The following RAF1 variants were observed in gnomAD, a reference collection of about 807,000 sequenced individuals.
RAF1 encodes RAF proto-oncogene serine/threonine-protein kinase.
Under a neutral mutation model 81.1 loss-of-function variants are expected in RAF1, and 27 were observed. The ratio of observed to expected loss-of-function variants is 0.33; its 90% CI spans 0.25 to 0.46. The LOEUF is 0.46. RAF1 is among the 20% of genes least tolerant of loss of function. The pLI, the probability that RAF1 is intolerant of heterozygous loss-of-function variation, is 1.00. For synonymous variants in RAF1, 298 were observed against 294.0 expected (o/e 1.01, Z -0.14); for missense variants, 598 against 826.0 (o/e 0.72, Z 3.38).
At chr3:12,657,226 G>A (rs1284236428) in intron 1 of RAF1, among the ~76,000 whole-genome samples, 1 of 152,098 alleles carries the variant, frequency 6.6e-6, no homozygotes, top group African/African-American at 2.4e-5. Context: ...ACTTAGTCTG[G>A]TAGCCAGGGA....
rs146154889 is a variant in RAF1 at position 12,612,998 on chromosome 3, G to A, written c.208-936C>T. Reference sequence around the variant, plus strand: ...AACACTAGTGAAGGCAAAGCAGGAAGTGGAAGATATAGAACTCCAGCCCTG... The same window carrying A: ...AACACTAGTGAAGGCAAAGCAGGAAATGGAAGATATAGAACTCCAGCCCTG... On this transcript the variant is annotated intron_variant, in intron 2 of 17. Coordinates refer to ENST00000442415, the MANE Select transcript of RAF1 (RefSeq NM_001354689.3). Among the ~76,000 whole-genome samples, 8 of 152,294 alleles carry A rather than the reference G, an allele frequency of 5.3e-5. No homozygotes were observed. The East Asian group carries it at 9.7e-4, about 18-fold the overall frequency.
At chr3:12,649,515 CTT>C (rs1047517434) in intron 1 of RAF1, among the ~76,000 whole-genome samples, 6 of 152,052 alleles carry the variant, frequency 3.9e-5, no homozygotes, top group Admixed American at 1.3e-4. Context: ...GGGAGGATCA[CTT>C]GAGCACAGGA....
chr3:12,622,107 C>T (rs2059572729), intron 1 of RAF1, among the ~76,000 whole-genome samples: 2 of 152,182 alleles, frequency 1.3e-5, no homozygotes, highest in South Asian at 4.1e-4. Flanking sequence ...CTCACTCCTA[C>T]ATAACTCTAT....
rs1199571642 is a variant in RAF1, at chr3:12,600,134, A to G, written c.1050+18T>C. ...TACTGAACCCTAATTGGCAGGAGGT[A>G]CTGTTGTCTATACTCACAATTTTGT... On this transcript the variant is annotated intron_variant, in intron 10 of 17. Transcript: ENST00000442415. 1.2e-6 allele frequency: 2 copies of G among 1,613,816 alleles called. No individual in the cohort carries two copies. The highest frequency in any genetic ancestry group is 1.7e-6 in the Non-Finnish European group (2 of 1,179,932).
chr3:12,604,375 T>C (rs1268745340), intron 6 of RAF1, 86 bp from the exon 7 acceptor site: 2 of 1,393,258 alleles, frequency 1.4e-6, no homozygotes, highest in African/African-American at 1.4e-5. Context: ...CTAAGTAAGA[T>C]GCTTAAGGGC....
At chr3:12,615,361 A>C (rs1018907053) in intron 2 of RAF1, among the ~76,000 whole-genome samples, 3 of 152,216 alleles carry the variant, frequency 2.0e-5, no homozygotes, top group Non-Finnish European at 1.5e-5. Context: ...AATTATTTAA[A>C]TCAGATACGC....
chr3:12,602,889 C>G (rs2125390835), intron 8 of RAF1, among the ~76,000 whole-genome samples: 1 of 152,126 alleles, frequency 6.6e-6, no homozygotes, highest in East Asian at 1.9e-4. Context: ...GATAAGCTTT[C>G]AATAAAGAAT....
chr3:12,587,721 C>G, intron 13 of RAF1, 84 bp from the exon 13 acceptor site: 1 of 1,134,284 alleles, frequency 8.8e-7, no homozygotes, highest in Non-Finnish European at 1.3e-6. Flanking sequence ...AGAAGTAAAG[C>G]CACTGAAGGC....
At chr3:12,654,506 G>A (rs983125496) in intron 1 of RAF1, among the ~76,000 whole-genome samples, 1 of 151,812 alleles carries the variant, frequency 6.6e-6, no homozygotes, top group Admixed American at 6.5e-5. Context: ...GCAGGTTCAG[G>A]AGGGAAGATG....
intron 1 of RAF1, among the ~76,000 whole-genome samples, chr3:12,644,166 C>T (rs1485457628): frequency 6.6e-6 from 1 of 152,076 alleles, no homozygotes; most frequent in African/African-American, 2.4e-5. Context: ...AATGAAGTAG[C>T]TTCGGGACAA....
intron 11 of RAF1, among the ~76,000 whole-genome samples, chr3:12,592,731 CT>C (rs35189562): frequency 0.24 from 25,960 of 106,542 alleles, 1,455 homozygotes; most frequent in Non-Finnish European, 0.27. Context: ...TTAAAAGCCA[CT>C]TTTTTTTTTT....
chr3:12,611,476 C>T (rs2059205278), intron 3 of RAF1, among the ~76,000 whole-genome samples: 1 of 152,146 alleles, frequency 6.6e-6, no homozygotes, highest in Non-Finnish European at 1.5e-5. Context: ...GCCTCAGTTT[C>T]CCAGTGTTAA....
intron 11 of RAF1, among the ~76,000 whole-genome samples, chr3:12,593,288 C>T (rs1235689456): frequency 6.6e-6 from 1 of 151,876 alleles, no homozygotes; most frequent in Admixed American, 6.6e-5. Flanking sequence ...ACCATGTTGC[C>T]CAGGCTGGTC....
chr3:12,623,303 C>T (rs747869535), intron 1 of RAF1, among the ~76,000 whole-genome samples: 4 of 152,160 alleles, frequency 2.6e-5, no homozygotes, highest in Non-Finnish European at 5.9e-5. Context: ...AGTCCAAGAA[C>T]AGTAATTTTA....
At chr3:12,663,055 A>G (rs2125599099) in intron 1 of RAF1, among the ~76,000 whole-genome samples, 1 of 152,266 alleles carries the variant, frequency 6.6e-6, no homozygotes, top group South Asian at 2.1e-4. Context: ...GGGCACACCC[A>G]GAGCCCTAGA....
intron 1 of RAF1, among the ~76,000 whole-genome samples, chr3:12,647,032 C>T (rs1224121569): frequency 1.3e-5 from 2 of 151,474 alleles, no homozygotes; most frequent in Non-Finnish European, 2.9e-5. Flanking sequence ...CGTGGTGGCT[C>T]ACGCCTGTAA....
intron 12 of RAF1, 22 bp downstream of exon 11, chr3:12,591,686 G>C (rs760854587): frequency 5.0e-6 from 8 of 1,604,806 alleles, no homozygotes; most frequent in Non-Finnish European, 6.8e-6. Context: ...CAGAGGGACT[G>C]GACCGCCAGC....
chr3:12,611,944 T>TCTTA lies in RAF1; in HGVS notation c.320+2_320+5dup. ...TGAAGAAGTCAATTGACTTTTGAGC[T>TCTTA]CTTACCCTTTGTGTTCGTGGAGAAG... On this transcript the variant is annotated splice_donor_region_variant and intron_variant, in intron 3 of 17. Coordinates refer to ENST00000442415, the MANE Select transcript of RAF1 (RefSeq NM_001354689.3). 1.2e-6 allele frequency: 2 copies of TCTTA among 1,611,738 alleles called. No homozygotes were observed. The highest frequency in any genetic ancestry group is 8.5e-7 in the Non-Finnish European group (1 of 1,177,772).
chr3:12,602,628 G>A (rs1364132987), intron 8 of RAF1, among the ~76,000 whole-genome samples: 1 of 152,018 alleles, frequency 6.6e-6, no homozygotes, highest in African/African-American at 2.4e-5. Context: ...GACCTTTACT[G>A]TTCCCTGTAA....
Sources: allele counts gnomAD v4.1 joint callset (sites outside exome capture counted in the v4.1 genomes callset), GRCh38; gene constraint gnomAD v4.1.1; transcripts MANE v1.5; gene names NCBI Gene and HGNC (gene_info 2026-07-23, HGNC 2026-07-21).